Variants in SYTL3 observed in about 807,000 individuals in gnomAD.
The protein encoded by SYTL3 is synaptotagmin like 3, also known as synaptotagmin-like protein 3.
In SYTL3, 88 loss-of-function variants were observed where a neutral mutation model predicts 82.1. That is an observed-to-expected ratio of 1.07 (90% confidence interval 0.90 to 1.28). SYTL3 has a LOEUF of 1.28. SYTL3 is among the 50% of genes most tolerant of loss of function. The probability of loss-of-function intolerance (pLI) is 0.00; values close to 1 mark genes in which losing one functional copy is unlikely to be tolerated. For synonymous variants in SYTL3, 311 were observed against 289.4 expected (o/e 1.07, Z -0.76); for missense variants, 831 against 757.6 (o/e 1.10, Z -1.14).
intron 6 of SYTL3, 38 bp downstream of exon 6, chr6:158,683,027 CT>C (rs1562371740): frequency 4.2e-6 from 6 of 1,428,418 alleles, no homozygotes; most frequent in African/African-American, 1.4e-5. Flanking sequence ...GTAAAATGAT[CT>C]ATTCCTAGTT....
chr6:158,667,400 C>T (rs190533777), intron 5 of SYTL3, among the ~76,000 whole-genome samples: 124 of 152,242 alleles, frequency 8.1e-4, no homozygotes, highest in South Asian at 4.1e-4. Flanking sequence ...CAGGAGAAGT[C>T]GGGAGGGGAG....
Position 158,663,163 on chromosome 6 carries a change from A to AAAC in SYTL3, c.-103_-101dup. Reference sequence around the variant, plus strand: ...AGTGAAATAGGAGAGGGAGCTCTTTAAACAAGGCTGGCTGCAGCTGGCCTC... The same window carrying AAAC: ...AGTGAAATAGGAGAGGGAGCTCTTTAAACAACAAGGCTGGCTGCAGCTGGCCTC... On this transcript the variant is annotated 5_prime_UTR_variant, in exon 4 of 18. Coordinates refer to ENST00000611299, the MANE Select transcript of SYTL3 (RefSeq NM_001242394.2). 1 of 950,902 alleles carries AAAC rather than the reference A, an allele frequency of 1.1e-6. No individual in the cohort carries two copies. 58.9% of individuals were successfully genotyped at this position (950,902 alleles called of 1,614,324 possible).
At chr6:158,746,608 G>A (rs1787701786) in intron 12 of SYTL3, among the ~76,000 whole-genome samples, 1 of 151,594 alleles carries the variant, frequency 6.6e-6, no homozygotes, top group South Asian at 2.1e-4. Flanking sequence ...TGGGACTACA[G>A]GCGTGCACCA....
In SYTL3 at chr6:158,734,646, C is replaced by T. The variant is rs539854884; in HGVS notation, c.855+9009C>T. On this transcript the variant is annotated intron_variant, in intron 11 of 17. Transcript: ENST00000611299. ...CCTTCTCAGGGAGCTCCCCCTGCCC[C>T]ACTCCCCCCACCTGCTCTATGTTAA... is the stretch of plus-strand genomic sequence containing the variant. 6.6e-5 allele frequency among the ~76,000 whole-genome samples: 10 copies of T among 152,196 alleles called. No homozygotes were observed. In the East Asian group the frequency reaches 1.9e-3, roughly 29 times the overall value.
intron 6 of SYTL3, among the ~76,000 whole-genome samples, chr6:158,703,942 CT>C (rs1335212148): frequency 1.3e-5 from 2 of 151,324 alleles, no homozygotes; most frequent in Non-Finnish European, 2.9e-5. Context: ...TGAGTTCAGC[CT>C]CCCGAGTAGC....
At chr6:158,693,036 T>A (rs1365646632) in intron 6 of SYTL3, among the ~76,000 whole-genome samples, 1 of 152,192 alleles carries the variant, frequency 6.6e-6, no homozygotes, top group Non-Finnish European at 1.5e-5. Flanking sequence ...CTCCGTTGGT[T>A]TGCTCAGTAA....
intron 5 of SYTL3, among the ~76,000 whole-genome samples, chr6:158,674,748 C>A (rs916565461): frequency 6.6e-6 from 1 of 152,196 alleles, no homozygotes; most frequent in Non-Finnish European, 1.5e-5. Context: ...TCTGATATAA[C>A]AGACCAGGAG....
intron 7 of SYTL3, among the ~76,000 whole-genome samples, chr6:158,707,815 C>T (rs1362820815): frequency 6.6e-6 from 1 of 152,242 alleles, no homozygotes; most frequent in Non-Finnish European, 1.5e-5. Flanking sequence ...AGCTCCCCAC[C>T]AGCTGCTATT....
chr6:158,688,749 G>A (rs1280535536), intron 6 of SYTL3, among the ~76,000 whole-genome samples: 2 of 152,158 alleles, frequency 1.3e-5, no homozygotes, highest in Non-Finnish European at 2.9e-5. Context: ...ATGTATCTAT[G>A]CTTGTGGGTG....
intron 15 of SYTL3, among the ~76,000 whole-genome samples, chr6:158,761,105 C>T (rs1426409651): frequency 2.0e-5 from 3 of 152,102 alleles, no homozygotes; most frequent in Non-Finnish European, 4.4e-5. Context: ...GCACTGGTAC[C>T]TGCAGGGCTC....
chr6:158,671,355 C>T (rs145909512), intron 5 of SYTL3, among the ~76,000 whole-genome samples: 56 of 152,270 alleles, frequency 3.7e-4, no homozygotes, highest in Middle Eastern at 6.8e-3. Context: ...TGTCACCTTA[C>T]GTAGTTCAGC....
chr6:158,722,329 T>C (rs1016560821), intron 10 of SYTL3, among the ~76,000 whole-genome samples: 19 of 152,018 alleles, frequency 1.2e-4, no homozygotes, highest in Admixed American at 6.6e-5. Flanking sequence ...GCCCAGCTAA[T>C]TTTTGTATTT....
chr6:158,749,290 G>A (rs1410778158), intron 12 of SYTL3, among the ~76,000 whole-genome samples: 4 of 149,578 alleles, frequency 2.7e-5, no homozygotes, highest in Non-Finnish European at 5.9e-5. Flanking sequence ...CTACTTGGGA[G>A]GCTGAGGTGG....
At chr6:158,734,753 A>G (rs1298889747) in intron 11 of SYTL3, among the ~76,000 whole-genome samples, 1 of 152,088 alleles carries the variant, frequency 6.6e-6, no homozygotes, top group Non-Finnish European at 1.5e-5. Flanking sequence ...ACTAGACTCT[A>G]ATTCCCAAGA....
chr6:158,656,401 T>C (rs147286825), intron 2 of SYTL3, among the ~76,000 whole-genome samples: 2 of 152,316 alleles, frequency 1.3e-5, no homozygotes, highest in East Asian at 3.9e-4. Flanking sequence ...CTGTGACAAC[T>C]ATTCCTGTTA....
intron 6 of SYTL3, among the ~76,000 whole-genome samples, chr6:158,694,306 C>G (rs1407635933): frequency 6.9e-6 from 1 of 144,202 alleles, no homozygotes; most frequent in Non-Finnish European, 1.5e-5. Flanking sequence ...TTTTTTTTTT[C>G]TTTTTTTGAG....
chr6:158,701,235 G>A (rs1163253783), intron 6 of SYTL3, among the ~76,000 whole-genome samples: 12 of 44,180 alleles, frequency 2.7e-4, no homozygotes, highest in Non-Finnish European at 4.2e-4. Context: ...AGTGTGAGCT[G>A]GGGTGTAGAT....
At chr6:158,763,010 T>C (rs901994812) in intron 16 of SYTL3, among the ~76,000 whole-genome samples, 2 of 152,056 alleles carry the variant, frequency 1.3e-5, no homozygotes, top group Non-Finnish European at 2.9e-5. Context: ...GAGAACAGGG[T>C]TAAAAGGAGA....
At chr6:158,738,781 C>T (rs1480008920) in intron 11 of SYTL3, among the ~76,000 whole-genome samples, 1 of 152,228 alleles carries the variant, frequency 6.6e-6, no homozygotes, top group Non-Finnish European at 1.5e-5. Context: ...CCTCAGCCTA[C>T]CAAGTAGCTG....
Sources: gnomAD v4.1 joint callset for allele counts (sites outside exome capture counted in the v4.1 genomes callset) on GRCh38, gnomAD v4.1.1 for gene constraint, MANE v1.5 for transcripts, NCBI Gene and HGNC (gene_info 2026-07-23, HGNC 2026-07-21) for gene names.